The following NGEF variants were observed in gnomAD, a reference collection of about 807,000 sequenced individuals.
NGEF encodes neuronal guanine nucleotide exchange factor.
A neutral mutation model predicts 80.9 loss-of-function variants in NGEF; 31 were observed. The ratio of observed to expected loss-of-function variants is 0.38; its 90% CI spans 0.29 to 0.52. NGEF has a LOEUF of 0.52. NGEF is among the 20% of genes least tolerant of loss of function. The probability of loss-of-function intolerance (pLI) is 0.84; values close to 1 mark genes in which losing one functional copy is unlikely to be tolerated. For synonymous variants in NGEF, 371 were observed against 370.2 expected (o/e 1.00, Z -0.03); for missense variants, 709 against 926.2 (o/e 0.77, Z 3.04).
chr2:232,936,596 A>T (rs1693328545), intron 3 of NGEF, among the ~76,000 whole-genome samples: 1 of 152,188 alleles, frequency 6.6e-6, no homozygotes, highest in African/African-American at 2.4e-5. Context: ...AGAACTCTGG[A>T]CACCAAGGCA....
chr2:233,009,366 A>G lies in NGEF; in HGVS notation c.-75+3702T>C, dbSNP rs190260996. On this transcript the variant is annotated intron_variant, in intron 1 of 14. Transcript: ENST00000264051. ...GCCCAAAACTCCTTTTTATTGATCTATTTATTTTTAGAGATGGGGGTCTTG... is the reference window on the plus strand; with the variant it reads ...GCCCAAAACTCCTTTTTATTGATCTGTTTATTTTTAGAGATGGGGGTCTTG... Among the ~76,000 whole-genome samples, 9 of 152,070 alleles carry G rather than the reference A, an allele frequency of 5.9e-5. No individual in the cohort carries two copies. In the East Asian group the frequency reaches 1.7e-3, roughly 30 times the overall value.
At chr2:232,887,635 C>T (rs1278516995) in intron 9 of NGEF, among the ~76,000 whole-genome samples, 1 of 152,178 alleles carries the variant, frequency 6.6e-6, no homozygotes, top group Non-Finnish European at 1.5e-5. Flanking sequence ...AAAGACAAGC[C>T]TGGGGTCTGT....
intron 3 of NGEF, among the ~76,000 whole-genome samples, chr2:232,930,350 C>T (rs1213534353): frequency 3.3e-5 from 5 of 151,324 alleles, no homozygotes; most frequent in Admixed American, 3.3e-4. Context: ...AATGGACTCT[C>T]GCTCTGTTGC....
intron 5 of NGEF, among the ~76,000 whole-genome samples, chr2:232,919,271 G>A (rs918871554): frequency 5.3e-5 from 8 of 152,126 alleles, no homozygotes; most frequent in African/African-American, 1.7e-4. Flanking sequence ...AATATCGGGG[G>A]GTAGGGAAAG....
At chr2:232,960,414 C>T (rs552234148) in intron 3 of NGEF, among the ~76,000 whole-genome samples, 17 of 152,284 alleles carry the variant, frequency 1.1e-4, no homozygotes, top group Admixed American at 1.1e-3. Flanking sequence ...ACTTTGCCTC[C>T]TGTGGGCAGA....
chr2:232,971,290 G>A (rs1439343938), intron 2 of NGEF, among the ~76,000 whole-genome samples: 2 of 152,120 alleles, frequency 1.3e-5, no homozygotes, highest in African/African-American at 4.8e-5. Context: ...TCACCATGTA[G>A]GTCAAGCACG....
At chr2:232,946,606 A>G (rs1485906483) in intron 3 of NGEF, among the ~76,000 whole-genome samples, 1 of 152,332 alleles carries the variant, frequency 6.6e-6, no homozygotes, top group Admixed American at 6.5e-5. Flanking sequence ...AGTAGTAACG[A>G]GCACATCTAA....
At position 232,879,345 on chromosome 2, in the gene NGEF, G is replaced by A. The variant is rs1322169107; in HGVS notation, c.*144C>T. On this transcript the variant is annotated 3_prime_UTR_variant, in exon 15 of 15. Coordinates refer to ENST00000264051, the MANE Select transcript of NGEF (RefSeq NM_019850.3). ...GCCAAGACACATGAGCACTCACTGCGTGGGCAGGGATGAGGGCCGGGCACC... is the reference window on the plus strand; with the variant it reads ...GCCAAGACACATGAGCACTCACTGCATGGGCAGGGATGAGGGCCGGGCACC... The A allele has an allele frequency of 2.4e-5, 18 of 762,376 alleles. No homozygotes were observed. The highest frequency in any genetic ancestry group is 3.9e-4 in the Middle Eastern group (1 of 2,566). 47.2% of individuals were successfully genotyped at this position (762,376 alleles called of 1,614,324 possible).
At chr2:233,003,534 C>T (rs1239706295) in intron 1 of NGEF, among the ~76,000 whole-genome samples, 1 of 152,200 alleles carries the variant, frequency 6.6e-6, no homozygotes, top group East Asian at 1.9e-4. Context: ...TCCTGGAGGA[C>T]TCAGTCCCAT....
chr2:232,970,165 T>A, intron 3 of NGEF, 49 bp downstream of exon 3: 1 of 1,087,686 alleles, frequency 9.2e-7, no homozygotes. Flanking sequence ...CAATGACCTC[T>A]GATGCATCTT....
chr2:232,969,295 T>A (rs1017745080), intron 3 of NGEF, among the ~76,000 whole-genome samples: 33 of 140,148 alleles, frequency 2.4e-4, no homozygotes, highest in African/African-American at 8.6e-4. Flanking sequence ...TTTTTTTTTT[T>A]AATGGGGTCT....
intron 1 of NGEF, among the ~76,000 whole-genome samples, chr2:232,978,262 G>A (rs1217005894): frequency 1.3e-5 from 2 of 151,986 alleles, no homozygotes; most frequent in Non-Finnish European, 2.9e-5. Flanking sequence ...GCTCACGTCT[G>A]TAATCCCAGC....
At chr2:232,900,136 TCA>T (rs61725832) in intron 5 of NGEF, among the ~76,000 whole-genome samples, 46,726 of 78,206 alleles carry the variant, frequency 0.6, 16,177 homozygotes, top group Admixed American at 0.66. Flanking sequence ...ACTCACATTC[TCA>T]CACACACACG....
chr2:232,906,310 C>A, intron 5 of NGEF, among the ~76,000 whole-genome samples: 1 of 133,680 alleles, frequency 7.5e-6, no homozygotes, highest in Non-Finnish European at 1.6e-5. Context: ...TGAGGAGCCC[C>A]TCTGCCCGGC....
chr2:232,879,173 CA>C lies in NGEF; in HGVS notation c.*315del, dbSNP rs1296831268. 1 of 251,500 alleles carries C rather than the reference CA, an allele frequency of 4.0e-6. No homozygotes were observed. The highest frequency in any genetic ancestry group is 2.2e-5 in the African/African-American group (1 of 45,254). The allele number at this position is 251,500 out of a possible 1,614,324, so 15.6% of individuals were successfully genotyped here. ...GGAGCCTCTTCCAGTCCCTGGGGGC[CA>C]GGGGCATGGGGGGCCCTGGAGTGTG... On this transcript the variant is annotated 3_prime_UTR_variant, in exon 15 of 15. Coordinates refer to ENST00000264051, the MANE Select transcript of NGEF (RefSeq NM_019850.3).
At chr2:232,890,503 C>T (rs1380976932) in intron 8 of NGEF, among the ~76,000 whole-genome samples, 1 of 152,198 alleles carries the variant, frequency 6.6e-6, no homozygotes, top group Non-Finnish European at 1.5e-5. Context: ...CCCTTTAACT[C>T]TGACCTCTGA....
At chr2:232,960,040 A>C (rs1412112708) in intron 3 of NGEF, among the ~76,000 whole-genome samples, 1 of 152,220 alleles carries the variant, frequency 6.6e-6, no homozygotes, top group Non-Finnish European at 1.5e-5. Context: ...CGTTTAATGC[A>C]GGCTGAGCAT....
chr2:232,963,294 T>C (rs1693989964), intron 3 of NGEF, among the ~76,000 whole-genome samples: 1 of 151,952 alleles, frequency 6.6e-6, no homozygotes, highest in South Asian at 2.1e-4. Flanking sequence ...AGCTCTTTGA[T>C]GGAACAGAAA....
intron 4 of NGEF, among the ~76,000 whole-genome samples, chr2:232,921,845 C>T (rs927553752): frequency 6.6e-6 from 1 of 152,236 alleles, no homozygotes; most frequent in Non-Finnish European, 1.5e-5. Context: ...AGAGCCAGGA[C>T]GGAGGCTTGC....
Sources: allele counts gnomAD v4.1 joint callset (sites outside exome capture counted in the v4.1 genomes callset), GRCh38; gene constraint gnomAD v4.1.1; transcripts MANE v1.5; gene names NCBI Gene and HGNC (gene_info 2026-07-23, HGNC 2026-07-21).